GBE1: variants seen among roughly 807,000 people sequenced by gnomAD.
GBE1 encodes 1,4-alpha-glucan branching enzyme 1, also known as 1,4-alpha-glucan-branching enzyme.
A neutral mutation model predicts 88.8 loss-of-function variants in GBE1; 70 were observed. That is an observed-to-expected ratio of 0.79 (90% CI 0.65 to 0.96). GBE1 has a LOEUF of 0.96. Among genes scored for constraint, GBE1 ranks in the 40% least tolerant of loss-of-function variants. The pLI is 0.00. For synonymous variants in GBE1, 284 were observed against 300.1 expected, an observed-to-expected ratio of 0.95 and a Z score of 0.56; for missense variants, 872 against 871.0, an observed-to-expected ratio of 1.00 and a Z score of -0.01.
At chr3:81,679,977 C>A (rs1485643876) in intron 2 of GBE1, among the ~76,000 whole-genome samples, 1 of 152,156 alleles carries the variant, frequency 6.6e-6, no homozygotes, top group East Asian at 1.9e-4. Context: ...CTCTATCTGG[C>A]CGCGCTTTCT....
At chr3:81,523,965 G>A (rs773798388) in intron 14 of GBE1, among the ~76,000 whole-genome samples, 21 of 151,686 alleles carry the variant, frequency 1.4e-4, no homozygotes, top group Non-Finnish European at 2.1e-4. Context: ...AAAGAGGAGC[G>A]CAAATATCTG....
At chr3:81,686,816 C>A (rs1194690147) in intron 2 of GBE1, among the ~76,000 whole-genome samples, 2 of 152,022 alleles carry the variant, frequency 1.3e-5, no homozygotes, top group African/African-American at 4.8e-5. Context: ...ACCACATCCA[C>A]CTCTACATTA....
chr3:81,651,954 G>T (rs1479887085), intron 3 of GBE1, among the ~76,000 whole-genome samples: 1 of 152,196 alleles, frequency 6.6e-6, no homozygotes, highest in Non-Finnish European at 1.5e-5. Flanking sequence ...GATGGGTGTT[G>T]AATGTTGAAA....
At chr3:81,492,043 T>A (rs1239565313) in intron 15 of GBE1, among the ~76,000 whole-genome samples, 1 of 152,222 alleles carries the variant, frequency 6.6e-6, no homozygotes, top group African/African-American at 2.4e-5. Flanking sequence ...AAAGTAATAG[T>A]GATTTAGGAA....
At chr3:81,720,362 G>GTGTA (rs1553694087) in intron 1 of GBE1, among the ~76,000 whole-genome samples, 288 of 143,378 alleles carry the variant, frequency 2.0e-3, no homozygotes, top group African/African-American at 6.8e-3. Context: ...GTGTGTGTGT[G>GTGTA]TATATATATA....
intron 1 of GBE1, among the ~76,000 whole-genome samples, chr3:81,718,595 C>T (rs937648282): frequency 6.6e-6 from 1 of 152,112 alleles, no homozygotes; most frequent in Non-Finnish European, 1.5e-5. Context: ...TGGTCCTTGA[C>T]CATTCTTAAT....
intron 7 of GBE1, among the ~76,000 whole-genome samples, chr3:81,599,707 CAT>C (rs1239468742): frequency 1.3e-5 from 2 of 152,092 alleles, no homozygotes; most frequent in East Asian, 1.9e-4. Context: ...TATATACAGA[CAT>C]AGGTATATAC....
At chr3:81,678,733 C>T (rs2107126452) in intron 2 of GBE1, among the ~76,000 whole-genome samples, 1 of 151,832 alleles carries the variant, frequency 6.6e-6, no homozygotes, top group South Asian at 2.1e-4. Flanking sequence ...GACTACAAAA[C>T]CATGTAAATA....
At chr3:81,704,274 G>A (rs941330255) in intron 2 of GBE1, among the ~76,000 whole-genome samples, 3 of 151,948 alleles carry the variant, frequency 2.0e-5, no homozygotes, top group African/African-American at 7.2e-5. Context: ...GTTGGACAGT[G>A]CTGTCTTAGA....
At chr3:81,514,734 A>G (rs1702773887) in intron 14 of GBE1, among the ~76,000 whole-genome samples, 1 of 151,658 alleles carries the variant, frequency 6.6e-6, no homozygotes, top group Non-Finnish European at 1.5e-5. Flanking sequence ...TGGGATACTC[A>G]GGTAATACTT....
At chr3:81,525,263 G>A (rs1440620900) in intron 14 of GBE1, among the ~76,000 whole-genome samples, 1 of 151,834 alleles carries the variant, frequency 6.6e-6, no homozygotes, top group Non-Finnish European at 1.5e-5. Context: ...TTTGTCAAAG[G>A]CCTTTTCTTC....
At chr3:81,666,293 G>C (rs1705113130) in intron 3 of GBE1, among the ~76,000 whole-genome samples, 1 of 152,148 alleles carries the variant, frequency 6.6e-6, no homozygotes, top group South Asian at 2.1e-4. Flanking sequence ...TGGTAGCCTG[G>C]AGGGCCAGGC....
intron 12 of GBE1, among the ~76,000 whole-genome samples, chr3:81,542,748 CTA>C (rs1703158063): frequency 3.3e-5 from 5 of 151,974 alleles, no homozygotes; most frequent in African/African-American, 1.2e-4. Context: ...CTATTGGGTA[CTA>C]TGTTCACCAC....
intron 14 of GBE1, among the ~76,000 whole-genome samples, chr3:81,509,208 T>C (rs953143765): frequency 1.3e-5 from 2 of 152,010 alleles, no homozygotes; most frequent in Non-Finnish European, 2.9e-5. Context: ...GAATTTGCTA[T>C]TTAAAAATTT....
intron 3 of GBE1, among the ~76,000 whole-genome samples, chr3:81,669,910 C>T (rs1024625840): frequency 1.3e-5 from 2 of 151,912 alleles, no homozygotes; most frequent in African/African-American, 4.8e-5. Context: ...TTTTTAACAA[C>T]CTACAAAATA....
At chr3:81,499,754 A>C (rs1482896336) in intron 14 of GBE1, among the ~76,000 whole-genome samples, 1 of 152,238 alleles carries the variant, frequency 6.6e-6, no homozygotes, top group African/African-American at 2.4e-5. Context: ...ATATTCAAAA[A>C]AGAAATGCAT....
chr3:81,520,542 T>C (rs1436151623), intron 14 of GBE1, among the ~76,000 whole-genome samples: 1 of 151,536 alleles, frequency 6.6e-6, no homozygotes, highest in Non-Finnish European at 1.5e-5. Flanking sequence ...AACTTGATAA[T>C]GTTCTAGGTG....
At position 81,577,922 on chromosome 3, in the gene GBE1, T is replaced by C; in HGVS notation, c.1618+3A>G. The C allele has an allele frequency of 6.3e-7, 1 of 1,590,796 alleles. No individual in the cohort carries two copies. The highest frequency in any genetic ancestry group is 1.4e-5 in the African/African-American group (1 of 73,642). ...ATTGCATATGTGTTTAACTCACACT[T>C]ACCCATGAAATTGAGATAGCCTTCT... On this transcript the variant is annotated splice_donor_region_variant and intron_variant, in intron 12 of 15. Coordinates refer to ENST00000429644, the MANE Select transcript of GBE1 (RefSeq NM_000158.4).
intron 7 of GBE1, among the ~76,000 whole-genome samples, chr3:81,607,985 A>G (rs1216756539): frequency 6.6e-6 from 1 of 152,240 alleles, no homozygotes; most frequent in Non-Finnish European, 1.5e-5. Context: ...TACACAAGAA[A>G]TGTTATGCTC....
Sources: allele counts gnomAD v4.1 joint callset (sites outside exome capture counted in the v4.1 genomes callset), GRCh38; gene constraint gnomAD v4.1.1; transcripts MANE v1.5; gene names NCBI Gene and HGNC (gene_info 2026-07-23, HGNC 2026-07-21).